PAQR4: variants seen among roughly 807,000 people sequenced by gnomAD.
PAQR4 encodes progestin and adipoQ receptor family member 4.
In PAQR4, 26 loss-of-function variants were observed where a neutral mutation model predicts 20.9. The observed-to-expected ratio is 1.24, with a 90% CI of 0.91 to 1.73. The LOEUF is 1.73. PAQR4 is among the 40% of genes most tolerant of loss of function. The pLI is 0.00. For synonymous variants in PAQR4, 193 were observed against 171.6 expected, an observed-to-expected ratio of 1.12 and a Z score of -0.97; for missense variants, 400 against 380.1, an observed-to-expected ratio of 1.05 and a Z score of -0.44.
chr16:2,973,313 C>T lies in PAQR4; in HGVS notation c.*1365C>T. The T allele has an allele frequency of 6.6e-7, 1 of 1,518,030 alleles. No individual in the cohort carries two copies. Among genetic ancestry groups the T allele is most frequent in the East Asian group, 2.5e-5 (1 of 40,578 alleles). 94.0% of individuals were successfully genotyped at this position (1,518,030 alleles called of 1,614,324 possible). On this transcript the variant is annotated 3_prime_UTR_variant, in exon 3 of 3. Transcript: ENST00000318782. ...GTGCAGGCTCCAGGCTCCCGCCTGA[C>T]AAACAGGCAGGGAGCCACAGTCAGG...
chr16:2,970,936 G>C lies in PAQR4; in HGVS notation c.167-221G>C. On this transcript the variant is annotated intron_variant, in intron 1 of 2. Transcript: ENST00000318782. The stretch of plus-strand genomic sequence containing the variant: ...CCAAGTCTGTTTCCTCACCTGCAAA[G>C]TGGGGATCATGGTCTCTACTTCCCA... 3 of 605,238 alleles carry C rather than the reference G, an allele frequency of 5.0e-6. No individual in the cohort carries two copies. In the South Asian group the frequency reaches 5.9e-5, roughly 12 times the overall value. 37.5% of individuals were successfully genotyped at this position (605,238 alleles called of 1,614,324 possible).
At chr16:2,969,892 G>T in intron 1 of PAQR4, 52 bp downstream of exon 1, 1 of 1,597,670 alleles carries the variant, frequency 6.3e-7, no homozygotes, top group Non-Finnish European at 8.5e-7. Flanking sequence ...CCCTACCTGC[G>T]TTGGGCCGGG....
At chr16:2,970,066 G>C (rs2071940045) in intron 1 of PAQR4, 2 of 580,766 alleles carry the variant, frequency 3.4e-6, no homozygotes, top group East Asian at 3.2e-5. Context: ...GCAGAGTAGG[G>C]TCTGAGCCTG....
At position 2,973,324 on chromosome 16, in the gene PAQR4, G is replaced by C; in HGVS notation, c.*1376G>C. On this transcript the variant is annotated 3_prime_UTR_variant, in exon 3 of 3. Coordinates refer to ENST00000318782, the MANE Select transcript of PAQR4 (RefSeq NM_152341.5). ...AGGCTCCCGCCTGACAAACAGGCAG[G>C]GAGCCACAGTCAGGGACAATAAAAA... is the stretch of plus-strand genomic sequence containing the variant. 6.5e-7 allele frequency: 1 copy of C among 1,529,648 alleles called. No individual in the cohort carries two copies. The highest frequency in any genetic ancestry group is 8.8e-7 in the Non-Finnish European group (1 of 1,139,056). The allele number at this position is 1,529,648 out of a possible 1,614,324, so 94.8% of individuals were successfully genotyped here.
Position 2,971,766 on chromosome 16 carries a change from C to T in PAQR4, c.640C>T (p.Leu214=), listed in dbSNP as rs746063360. The T allele has an allele frequency of 4.3e-6, 7 of 1,612,874 alleles. No homozygotes were observed. Among genetic ancestry groups the T allele is most frequent in the Non-Finnish European group, 5.1e-6 (6 of 1,179,906 alleles). The part of the protein sequence containing the change: ...PCYLRMDALA[L]LGGLVNVARL... ...CTACCTGCGCATGGACGCACTGGCG[C>T]TGCTTGGGGGACTGGTAAATGTAGC... The change falls in exon 3 of 3, where the codon CTG becomes TTG. Residue 214 remains leucine (L), a synonymous_variant. Coordinates refer to ENST00000318782, the MANE Select transcript of PAQR4 (RefSeq NM_152341.5).
intron 1 of PAQR4, chr16:2,970,328 G>A (rs1191783698): frequency 6.1e-6 from 1 of 164,446 alleles, no homozygotes; most frequent in African/African-American, 2.4e-5. Flanking sequence ...GCCCCGCGGA[G>A]CTCTGCTGAC....
chr16:2,969,914 C>G (rs1293294632), intron 1 of PAQR4, 74 bp downstream of exon 1: 4 of 1,574,288 alleles, frequency 2.5e-6, no homozygotes, highest in Admixed American at 1.8e-5. Context: ...GCACTGAGGC[C>G]GAGGAGGGCC....
intron 2 of PAQR4, 29 bp from the exon 3 acceptor site, chr16:2,971,486 G>A (rs1399974348): frequency 1.9e-6 from 3 of 1,574,960 alleles, no homozygotes; most frequent in African/African-American, 2.7e-5. Flanking sequence ...ACAATGACAT[G>A]CCCTCTCCTG....
intron 1 of PAQR4, 157 bp downstream of exon 1, chr16:2,969,997 C>G: frequency 1.9e-6 from 2 of 1,031,176 alleles, no homozygotes; most frequent in East Asian, 2.8e-5. Flanking sequence ...GCCATTGTCC[C>G]GGGCCGCGCT....
chr16:2,971,312 G>T lies in PAQR4; in HGVS notation c.322G>T (p.Gly108Cys). The T allele has an allele frequency of 3.1e-6, 5 of 1,612,574 alleles. No individual in the cohort carries two copies. The South Asian group carries it at 4.4e-5, about 14-fold the overall frequency. The stretch of plus-strand genomic sequence containing the variant: ...TCACCTCTTTATGTGCCACCAAGGG[G>T]GCAGCGCTGTGTACGCCCGGCTCCT... ...LYHLFMCHQG[G>C]SAVYARLLAL... is the part of the protein sequence containing the mutation. The change falls in exon 2 of 3, where the codon GGC becomes TGC. Residue 108 changes from glycine to cysteine, a missense_variant. Transcript: ENST00000318782.
chr16:2,970,028 C>A (rs932889470), intron 1 of PAQR4, 188 bp downstream of exon 1: 2 of 783,554 alleles, frequency 2.6e-6, no homozygotes, highest in Admixed American at 3.0e-5. Context: ...GTTTTCCCGG[C>A]GGGTGGGGGC....
chr16:2,969,736 TC>T lies in PAQR4; in HGVS notation c.63del (p.Phe21LeufsTer6), dbSNP rs778922574. 1 of 1,609,472 alleles carries T rather than the reference TC, an allele frequency of 6.2e-7. No individual in the cohort carries two copies. Among genetic ancestry groups the T allele is most frequent in the South Asian group, 1.1e-5 (1 of 90,942 alleles). ...GCCAGCTCGCCGCCGCACCTGCAGT[TC>T]AATAAGTTCGTGCTGACCGGGTACC... ...DWASSPPHLQFNKFVLTGYRP... is the reference protein window; with the variant it reads ...DWASSPPHLQXNKFVLTGYRP... On this transcript the variant is annotated frameshift_variant, in exon 1 of 3. Transcript: ENST00000318782. LOFTEE classifies it high-confidence loss of function.
chr16:2,971,771 TG>T lies in PAQR4; in HGVS notation c.650del (p.Gly217AspfsTer3). ...TGCGCATGGACGCACTGGCGCTGCT[TG>T]GGGGACTGGTAAATGTAGCCCGTCT... ...YLRMDALALLGGLVNVARLPE... is the reference protein window; with the variant it reads ...YLRMDALALLXGLVNVARLPE... On this transcript the variant is annotated frameshift_variant, in exon 3 of 3. Transcript: ENST00000318782. LOFTEE classifies it high-confidence loss of function. 6.2e-7 allele frequency: 1 copy of T among 1,612,946 alleles called. No individual in the cohort carries two copies. Among genetic ancestry groups the T allele is most frequent in the Middle Eastern group, 1.6e-4 (1 of 6,062 alleles).
In PAQR4 at chr16:2,969,707, C is replaced by G; in HGVS notation, c.33C>G (p.Asp11Glu). Residue 11 changes from aspartate (D) to glutamate (E), a missense_variant, in exon 1 of 3, where the codon GAC (aspartate) becomes GAG (glutamate). Asp to Glu is a conservative substitution (Grantham distance 45). Transcript: ENST00000318782. MAFLAGPRLLDWASSPPHLQF... is the reference protein window; with the variant it reads MAFLAGPRLLEWASSPPHLQF... The stretch of plus-strand genomic sequence containing the variant: ...TCCTGGCCGGGCCGCGCCTGCTGGA[C>G]TGGGCCAGCTCGCCGCCGCACCTGC... 6.3e-7 allele frequency: 1 copy of G among 1,597,390 alleles called. No individual in the cohort carries two copies. Among genetic ancestry groups the G allele is most frequent in the Non-Finnish European group, 8.5e-7 (1 of 1,173,362 alleles).
rs1303587446 is a variant in PAQR4, at chr16:2,973,412, C to G, written c.*1464C>G. 2 of 1,534,562 alleles carry G rather than the reference C, an allele frequency of 1.3e-6. No homozygotes were observed. The highest frequency in any genetic ancestry group is 2.7e-5 in the African/African-American group (2 of 73,016). The stretch of plus-strand genomic sequence containing the variant: ...AAAGTCCTTCCATCTGGCTGCACTC[C>G]AAGGCCCCCTCTGTCCTTTTCAGAA... On this transcript the variant is annotated 3_prime_UTR_variant, in exon 3 of 3. Transcript: ENST00000318782.
At position 2,969,796 on chromosome 16, in the gene PAQR4, G is replaced by A; in HGVS notation, c.122G>A (p.Ser41Asn). The A allele has an allele frequency of 6.2e-7, 1 of 1,610,040 alleles. No individual in the cohort carries two copies. The highest frequency in any genetic ancestry group is 8.5e-7 in the Non-Finnish European group (1 of 1,178,758). Reference sequence around the variant, plus strand: ...AGCAGCGGCTCGGGCTGCCTGCGCAGCCTCTTCTACCTGCACAACGAACTG... The same window carrying A: ...AGCAGCGGCTCGGGCTGCCTGCGCAACCTCTTCTACCTGCACAACGAACTG... ...PASSGSGCLR[S>N]LFYLHNELGN... The change falls in exon 1 of 3, where the codon AGC becomes AAC. Residue 41 changes from serine (S) to asparagine (N), a missense_variant. Ser to Asn is a conservative substitution (Grantham distance 46). Coordinates refer to ENST00000318782, the MANE Select transcript of PAQR4 (RefSeq NM_152341.5).
Position 2,969,564 on chromosome 16 carries a change from T to G in PAQR4, c.-111T>G, listed in dbSNP as rs1000003667. ...CGCCGATCGAGCGCAGGGCGATGGGTGGGCGCCGGGCGCCGGGCGCCAGGC... is the reference window on the plus strand; with the variant it reads ...CGCCGATCGAGCGCAGGGCGATGGGGGGGCGCCGGGCGCCGGGCGCCAGGC... On this transcript the variant is annotated 5_prime_UTR_variant, in exon 1 of 3. Coordinates refer to ENST00000318782, the MANE Select transcript of PAQR4 (RefSeq NM_152341.5). 4.8e-6 allele frequency: 6 copies of G among 1,254,118 alleles called. No individual in the cohort carries two copies. Among genetic ancestry groups the G allele is most frequent in the Non-Finnish European group, 6.2e-6 (6 of 974,256 alleles). 77.7% of individuals were successfully genotyped at this position (1,254,118 alleles called of 1,614,324 possible). A position where few individuals can be genotyped will look rare whatever the true frequency, so the allele number is the denominator to read the frequency against.
Position 2,969,849 on chromosome 16 carries a change from CG to C in PAQR4, c.166+10del. 8 of 1,608,540 alleles carry C rather than the reference CG, an allele frequency of 5.0e-6. No individual in the cohort carries two copies. The highest frequency in any genetic ancestry group is 6.8e-6 in the Non-Finnish European group (8 of 1,178,126). ...CAACATCTACACGCACGGTGAGCCG[CG>C]TCCCGCAACGCGCTTCCCACACCCC... is the stretch of plus-strand genomic sequence containing the variant. On this transcript the variant is annotated intron_variant, in intron 1 of 2. Transcript: ENST00000318782.
chr16:2,969,613 G>A lies in PAQR4; in HGVS notation c.-62G>A. The A allele has an allele frequency of 2.2e-6, 3 of 1,390,168 alleles. No individual in the cohort carries two copies. Among genetic ancestry groups the A allele is most frequent in the African/African-American group, 1.5e-5 (1 of 65,480 alleles). 86.1% of individuals were successfully genotyped at this position (1,390,168 alleles called of 1,614,324 possible). ...GCAGTGATGGGCCTTCCCGCGCTGC[G>A]GCCCCACTGAGGAGGAGGCTCGGGG... On this transcript the variant is annotated 5_prime_UTR_variant, in exon 1 of 3. Transcript: ENST00000318782.
Sources: allele counts gnomAD v4.1 joint callset, GRCh38; gene constraint gnomAD v4.1.1; transcripts MANE v1.5; gene names NCBI Gene and HGNC (gene_info 2026-07-23, HGNC 2026-07-21).